DNAH12: variants seen among roughly 807,000 people sequenced by gnomAD.
The protein encoded by DNAH12 is axonemal beta dynein heavy chain 12.
DNAH12 carries 285 observed loss-of-function variants against 371.5 expected under a neutral mutation model. The ratio of observed to expected loss-of-function variants is 0.77; its 90% confidence interval spans 0.70 to 0.85. The LOEUF (loss-of-function observed/expected upper bound fraction) is 0.85. DNAH12 is among the 40% of genes least tolerant of loss of function. DNAH12 has a pLI of 0.00. For synonymous variants in DNAH12, 1,200 were observed against 1,213.0 expected (o/e 0.99, Z 0.22); for missense variants, 3,611 against 3,689.4 (o/e 0.98, Z 0.55).
intron 43 of DNAH12, among the ~76,000 whole-genome samples, chr3:57,402,150 T>C (rs1272348323): frequency 6.6e-6 from 1 of 152,218 alleles, no homozygotes. Context: ...GTAATTTTCC[T>C]TTCATGTCTA....
At chr3:57,545,900 A>C (rs1343387076), upstream of DNAH12, among the ~76,000 whole-genome samples, 1 of 152,136 alleles carries the variant, frequency 6.6e-6, no homozygotes, top group Admixed American at 6.6e-5. Context: ...CAGGGAAAAA[A>C]AAGTTTATTT....
chr3:57,314,517 G>T lies in DNAH12; in HGVS notation c.10639C>A (p.Arg3547Ser). The stretch of plus-strand genomic sequence containing the variant: ...ACCTGCAGTTGTCGGATACTGATGC[G>T]CAAGTCAGATTCATTAAATCCATAT... ...IPYGFNESDL[R>S]ISIRQLQLFI... The change falls in exon 66 of 74, where the codon CGC becomes AGC. Residue 3547 changes from arginine (R) to serine (S), a missense_variant. Arg to Ser is a moderately radical substitution (Grantham distance 110). Around this residue, in one of 3 missense-constraint regions of DNAH12, gnomAD observed 2,266 missense variants for 2,236.9 expected, o/e 1.01. Transcript: ENST00000495027. 2 of 1,550,890 alleles carry T rather than the reference G, an allele frequency of 1.3e-6. No individual in the cohort carries two copies. Among genetic ancestry groups the T allele is most frequent in the Non-Finnish European group, 1.7e-6 (2 of 1,146,790 alleles).
chr3:57,532,471 C>G (rs1045242398), intron 2 of DNAH12, among the ~76,000 whole-genome samples: 1 of 152,024 alleles, frequency 6.6e-6, no homozygotes, highest in Non-Finnish European at 1.5e-5. Flanking sequence ...TTGTTTGTGT[C>G]TGTCCTTGGG....
At chr3:57,544,785 G>A (rs2069447147), upstream of DNAH12, among the ~76,000 whole-genome samples, 8 of 152,140 alleles carry the variant, frequency 5.3e-5, no homozygotes, top group Admixed American at 5.2e-4. Flanking sequence ...AACAGGTTAA[G>A]GTGTGTGAAT....
chr3:57,375,306 G>A (rs1179901227), intron 55 of DNAH12, 65 bp downstream of exon 55: 1 of 152,016 alleles, frequency 6.6e-6, no homozygotes, highest in Non-Finnish European at 1.5e-5. Context: ...TTCTTTCAAC[G>A]TTTCTATATG....
Position 57,472,569 on chromosome 3 carries a change from G to A in DNAH12, c.1753C>T (p.Pro585Ser). The change falls in exon 14 of 74, where the codon CCC becomes TCC. Residue 585 changes from proline (P) to serine (S), a missense_variant. Coordinates refer to ENST00000495027, the MANE Select transcript of DNAH12 (RefSeq NM_001366028.2). ...TVLMWPRKIN[P>S]IFDENDELIE... is the part of the protein sequence containing the mutation. Reference sequence around the variant, plus strand: ...ACCTCATCATTTTCATCAAAGATGGGATTAATTTTCCTAGGCCACATGAGG... The same window carrying A: ...ACCTCATCATTTTCATCAAAGATGGAATTAATTTTCCTAGGCCACATGAGG... The A allele has an allele frequency of 6.5e-7, 1 of 1,549,482 alleles. No individual in the cohort carries two copies. The highest frequency in any genetic ancestry group is 8.7e-7 in the Non-Finnish European group (1 of 1,146,360).
chr3:57,321,839 C>T (rs938251353), intron 65 of DNAH12, among the ~76,000 whole-genome samples: 2 of 152,082 alleles, frequency 1.3e-5, no homozygotes, highest in Admixed American at 1.3e-4. Context: ...CTACTGGGAC[C>T]CTTAAAGTCT....
At chr3:57,513,466 G>A (rs927026029) in intron 4 of DNAH12, among the ~76,000 whole-genome samples, 1 of 151,592 alleles carries the variant, frequency 6.6e-6, no homozygotes, top group African/African-American at 2.4e-5. Flanking sequence ...TGCACGTTCT[G>A]CACATGTATC....
intron 58 of DNAH12, among the ~76,000 whole-genome samples, chr3:57,358,679 A>C (rs2062853645): frequency 6.6e-6 from 1 of 152,326 alleles, no homozygotes; most frequent in African/African-American, 2.4e-5. Context: ...GTAAGAAAGC[A>C]TAATTTTTGT....
At chr3:57,511,128 G>T in intron 4 of DNAH12, 149 bp from the exon 5 acceptor site, 1 of 544,974 alleles carries the variant, frequency 1.8e-6, no homozygotes. Flanking sequence ...TAATCCAAAA[G>T]TACATCCCAC....
In DNAH12 at chr3:57,408,395, C is replaced by T. The variant is rs369951863; in HGVS notation, c.6161G>A (p.Ser2054Asn). The T allele has an allele frequency of 1.3e-6, 2 of 1,551,544 alleles. No individual in the cohort carries two copies. Among genetic ancestry groups the T allele is most frequent in the Non-Finnish European group, 1.7e-6 (2 of 1,146,922 alleles). The change falls in exon 40 of 74, where the codon AGT becomes AAT. Residue 2054 changes from serine to asparagine, a missense_variant. By Grantham distance (46) the Ser-to-Asn change is conservative. This residue lies in a region of DNAH12 where 2,266 missense variants were observed against 2,236.9 expected (regional missense o/e 1.01). Transcript: ENST00000495027. Reference protein sequence around the residue: ...HFNICSINSFSDETMVRIFSS... With the variant: ...HFNICSINSFNDETMVRIFSS... The stretch of plus-strand genomic sequence containing the variant: ...GAAGATTCGGACCATAGTTTCATCA[C>T]TAAAAGAATTAATACTGCAGATGTT...
intron 13 of DNAH12, among the ~76,000 whole-genome samples, chr3:57,477,098 ACT>A (rs2066556070): frequency 6.6e-6 from 1 of 152,132 alleles, no homozygotes; most frequent in Non-Finnish European, 1.5e-5. Flanking sequence ...GGTGCAGCGC[ACT>A]GAGCATGAGC....
At chr3:57,445,916 A>T (rs2065476960) in intron 27 of DNAH12, 115 bp downstream of exon 27, 1 of 948,234 alleles carries the variant, frequency 1.1e-6, no homozygotes, top group Non-Finnish European at 1.5e-6. Context: ...TGAACCCGGG[A>T]GGTGGAGGTT....
chr3:57,470,704 T>C lies in DNAH12; in HGVS notation c.1912-68A>G, dbSNP rs539397564. 11 of 1,279,304 alleles carry C rather than the reference T, an allele frequency of 8.6e-6. No homozygotes were observed. The East Asian group carries it at 1.8e-4, about 21-fold the overall frequency. The allele number at this position is 1,279,304 out of a possible 1,614,324, so 79.2% of individuals were successfully genotyped here. On this transcript the variant is annotated intron_variant, in intron 15 of 73. Coordinates refer to ENST00000495027, the MANE Select transcript of DNAH12 (RefSeq NM_001366028.2). ...ATGTTATAAAAATAAAATCCTATGATACTGTGTACAATATGTCCTTGTATT... is the reference window on the plus strand; with the variant it reads ...ATGTTATAAAAATAAAATCCTATGACACTGTGTACAATATGTCCTTGTATT...
intron 13 of DNAH12, among the ~76,000 whole-genome samples, chr3:57,478,889 C>A (rs1327870641): frequency 6.6e-6 from 1 of 152,046 alleles, no homozygotes; most frequent in Non-Finnish European, 1.5e-5. Flanking sequence ...GATTTTGTCA[C>A]CACCAGGCCT....
At chr3:57,533,932 C>T (rs2068937687) in intron 2 of DNAH12, among the ~76,000 whole-genome samples, 1 of 152,172 alleles carries the variant, frequency 6.6e-6, no homozygotes, top group African/African-American at 2.4e-5. Context: ...CTAGGACTTA[C>T]CTAGGAGTTG....
chr3:57,301,801 T>G lies in DNAH12; in HGVS notation c.11328A>C (p.Ser3776=), dbSNP rs2061353853. The G allele has an allele frequency of 6.4e-7, 1 of 1,551,658 alleles. No individual in the cohort carries two copies. Among genetic ancestry groups the G allele is most frequent in the South Asian group, 1.2e-5 (1 of 84,048 alleles). ...GKVPEIWAKR[S]YPSLKPLGSY... is the part of the protein sequence containing the mutation. ...TTCCCAGGGGCTTAAGGCTTGGGTA[T>G]GAACGTTTGGCCCATATTTCTGGAA... Residue 3776 remains serine, a synonymous_variant, in exon 70 of 74, where the codon TCA becomes TCC. Transcript: ENST00000495027.
intron 44 of DNAH12, among the ~76,000 whole-genome samples, chr3:57,392,510 A>G (rs1349850091): frequency 2.0e-5 from 3 of 152,132 alleles, no homozygotes; most frequent in Non-Finnish European, 4.4e-5. Flanking sequence ...AGAGCCCAGG[A>G]GTTCGAAGCT....
chr3:57,439,852 A>G (rs1192411580), intron 29 of DNAH12, among the ~76,000 whole-genome samples: 1 of 150,260 alleles, frequency 6.7e-6, no homozygotes, highest in African/African-American at 2.5e-5. Context: ...AAAAAAAAAC[A>G]TTTAAAAATG....
Sources: gnomAD v4.1 joint callset for allele counts (sites outside exome capture counted in the v4.1 genomes callset) on GRCh38, gnomAD v4.1.1 for gene constraint, gnomAD v4.1.1 regional missense constraint, MANE v1.5 for transcripts, NCBI Gene and HGNC (gene_info 2026-07-23, HGNC 2026-07-21) for gene names.